The following TIPIN variants were observed in gnomAD, a reference collection of about 807,000 sequenced individuals.
TIPIN encodes the protein TIMELESS-interacting protein.
In TIPIN, 29 loss-of-function variants were observed where a neutral mutation model predicts 35.6. The observed-to-expected ratio is 0.82, with a 90% CI of 0.61 to 1.11. The LOEUF (loss-of-function observed/expected upper bound fraction) is 1.11. TIPIN is among the 50% of genes most tolerant of loss of function. The pLI is 0.00. For synonymous variants in TIPIN, 102 were observed against 121.5 expected (o/e 0.84, Z 1.06); for missense variants, 296 against 345.4 (o/e 0.86, Z 1.13).
intron 6 of TIPIN, among the ~76,000 whole-genome samples, chr15:66,347,527 G>A (rs1326350384): frequency 6.6e-6 from 1 of 152,140 alleles, no homozygotes; most frequent in African/African-American, 2.4e-5. Flanking sequence ...GGTCACCAGA[G>A]TTTTCAAAAG....
At chr15:66,371,720 T>G (rs1350016696) in intron 1 of TIPIN, among the ~76,000 whole-genome samples, 2 of 151,960 alleles carry the variant, frequency 1.3e-5, no homozygotes, top group African/African-American at 4.8e-5. Context: ...GGTTTCACCG[T>G]GTTGGCCAGA....
chr15:66,338,482 A>C (rs1424475925), intron 7 of TIPIN, among the ~76,000 whole-genome samples: 1 of 152,152 alleles, frequency 6.6e-6, no homozygotes, highest in Non-Finnish European at 1.5e-5. Context: ...TCTTCATGTA[A>C]TGTTTCACAT....
rs71139487 is a variant in TIPIN at position 66,375,499 on chromosome 15, T to TTATATATATATA, written c.-9+11096_-9+11107dup. 5.2e-3 allele frequency among the ~76,000 whole-genome samples: 690 copies of TTATATATATATA among 132,782 alleles called. 1 individual carries two copies. Among genetic ancestry groups the TTATATATATATA allele is most frequent in the Non-Finnish European group, 8.5e-3 (528 of 61,900 alleles). 87.1% of individuals were successfully genotyped at this position (132,782 alleles called of 152,430 possible). A position where few individuals can be genotyped will look rare whatever the true frequency, so the allele number is the denominator to read the frequency against. On this transcript the variant is annotated intron_variant, in intron 1 of 7. Coordinates refer to the TIPIN transcript ENST00000562124. Reference sequence around the variant, plus strand: ...CTAATGTTGTTTTTAATTGGAAAAGTTATATATATATATATATATATATAT... The same window carrying TTATATATATATA: ...CTAATGTTGTTTTTAATTGGAAAAGTTATATATATATATATATATATATATATATATATATAT...
chr15:66,357,524 G>A (rs2093211394), upstream of TIPIN, among the ~76,000 whole-genome samples: 1 of 142,786 alleles, frequency 7.0e-6, no homozygotes, highest in African/African-American at 2.5e-5. Flanking sequence ...AGTTGAAGGC[G>A]GCAGTGACTA....
chr15:66,371,441 T>A lies in TIPIN; in HGVS notation c.-9+15166A>T, dbSNP rs2093277246. ...GAGGACAAATAAAAATATATTTGGG[T>A]CAGTCTGCTTTATTTTCTGGGAAAA... On this transcript the variant is annotated intron_variant, in intron 1 of 7. Coordinates refer to the TIPIN transcript ENST00000562124. 1.1e-5 allele frequency: 10 copies of A among 927,144 alleles called. No individual in the cohort carries two copies. The South Asian group carries it at 4.5e-4, about 42-fold the overall frequency. 57.4% of individuals were successfully genotyped at this position (927,144 alleles called of 1,614,324 possible).
chr15:66,343,828 G>A (rs1344808608), intron 6 of TIPIN, among the ~76,000 whole-genome samples: 4 of 152,020 alleles, frequency 2.6e-5, no homozygotes, highest in African/African-American at 9.7e-5. Context: ...GTGAAACCCC[G>A]TCTCTACTAA....
intron 1 of TIPIN, among the ~76,000 whole-genome samples, chr15:66,363,375 G>A (rs1215936596): frequency 2.0e-5 from 3 of 151,990 alleles, no homozygotes; most frequent in African/African-American, 7.3e-5. Flanking sequence ...CGGGCACGGT[G>A]GCTCACATCT....
intron 6 of TIPIN, among the ~76,000 whole-genome samples, chr15:66,345,168 A>C (rs941038793): frequency 9.2e-5 from 14 of 152,138 alleles, no homozygotes; most frequent in African/African-American, 3.4e-4. Flanking sequence ...TCATTTGAGC[A>C]CAGTTTGAGG....
Position 66,348,970 on chromosome 15 carries a change from G to A in TIPIN, c.475+90C>T, listed in dbSNP as rs147907907. The A allele has an allele frequency of 7.4e-3, 7,439 of 1,007,464 alleles. 45 individuals are homozygous for A. The highest frequency in any genetic ancestry group is 0.015 in the Middle Eastern group (45 of 3,094). 62.4% of individuals were successfully genotyped at this position (1,007,464 alleles called of 1,614,324 possible). ...TAAACATGAAACAAAAAAGCAAAGC[G>A]CTGGGATTACAGGGTTGAGCCACCA... On this transcript the variant is annotated intron_variant, in intron 6 of 7. Coordinates refer to ENST00000261881, the MANE Select transcript of TIPIN (RefSeq NM_017858.3).
upstream of TIPIN, among the ~76,000 whole-genome samples, chr15:66,359,412 C>T (rs1258374547): frequency 1.3e-5 from 2 of 152,026 alleles, no homozygotes; most frequent in Non-Finnish European, 2.9e-5. Context: ...GTGGTGCAAT[C>T]TTGGCTCACT....
intron 1 of TIPIN, chr15:66,383,683 T>C: frequency 1.5e-6 from 1 of 670,032 alleles, no homozygotes; most frequent in South Asian, 6.7e-5. Flanking sequence ...TATGCCTCTA[T>C]ATTAAAAAGT....
At chr15:66,340,341 T>C (rs910395989) in intron 7 of TIPIN, among the ~76,000 whole-genome samples, 1 of 150,488 alleles carries the variant, frequency 6.6e-6, no homozygotes. Context: ...CCATGCACAG[T>C]TAATTTTTGT....
intron 1 of TIPIN, among the ~76,000 whole-genome samples, chr15:66,368,711 T>A (rs2140487626): frequency 6.6e-6 from 1 of 152,162 alleles, no homozygotes; most frequent in Middle Eastern, 3.4e-3. Flanking sequence ...AAGGTGAGTA[T>A]CAAAACTGGA....
At chr15:66,379,119 C>G (rs1225980193) in intron 1 of TIPIN, among the ~76,000 whole-genome samples, 1 of 151,734 alleles carries the variant, frequency 6.6e-6, no homozygotes, top group African/African-American at 2.4e-5. Context: ...AAACTCCTGG[C>G]GTTAAGCAAT....
In TIPIN at chr15:66,362,509, T is replaced by C. The variant is rs566824309; in HGVS notation, c.-8-9554A>G. Among the ~76,000 whole-genome samples the C allele has an allele frequency of 2.6e-5, 4 of 151,884 alleles. No homozygotes were observed. The East Asian group carries it at 7.8e-4, about 30-fold the overall frequency. On this transcript the variant is annotated intron_variant, in intron 1 of 7. Coordinates refer to the TIPIN transcript ENST00000562124. ...GCCGAGGCTGGCAGATCACTTGAGG[T>C]CTGGAGTTCGAGACCAGCCTGGCCA...
intron 1 of TIPIN, among the ~76,000 whole-genome samples, chr15:66,384,049 T>A (rs1410067002): frequency 6.6e-6 from 1 of 152,126 alleles, no homozygotes; most frequent in Non-Finnish European, 1.5e-5. Flanking sequence ...CAGGCTGGAG[T>A]GCAGTGGCGC....
chr15:66,376,587 C>T (rs2093297723), intron 1 of TIPIN, among the ~76,000 whole-genome samples: 1 of 151,634 alleles, frequency 6.6e-6, no homozygotes, highest in African/African-American at 2.4e-5. Flanking sequence ...TACCACCAAG[C>T]CTGGCTAATT....
Position 66,384,045 on chromosome 15 carries a change from G to A in TIPIN, c.-9+2562C>T, listed in dbSNP as rs561594255. Among the ~76,000 whole-genome samples, 234 of 152,128 alleles carry A rather than the reference G, an allele frequency of 1.5e-3. 1 individual carries two copies. The highest frequency in any genetic ancestry group is 5.4e-3 in the African/African-American group (223 of 41,502). On this transcript the variant is annotated intron_variant, in intron 1 of 7. Transcript: ENST00000562124. ...GGAGTCTTGTTCTGTCGCCCAGGCTGGAGTGCAGTGGCGCGATCTCGGCTC... is the reference window on the plus strand; with the variant it reads ...GGAGTCTTGTTCTGTCGCCCAGGCTAGAGTGCAGTGGCGCGATCTCGGCTC...
At chr15:66,337,778 AAT>A (rs1346149589) in intron 7 of TIPIN, among the ~76,000 whole-genome samples, 230 of 92,344 alleles carry the variant, frequency 2.5e-3, no homozygotes, top group Non-Finnish European at 3.6e-3. Context: ...AAAAAAATAA[AAT>A]AAAAAAAAAA....
Sources: gnomAD v4.1 joint callset for allele counts (sites outside exome capture counted in the v4.1 genomes callset) on GRCh38, gnomAD v4.1.1 for gene constraint, MANE v1.5 for transcripts, NCBI Gene and HGNC (gene_info 2026-07-23, HGNC 2026-07-21) for gene names.